The following RPP30 variants were observed in gnomAD, a reference collection of about 807,000 sequenced individuals.
The protein encoded by RPP30 is ribonuclease P/MRP subunit p30.
In RPP30, 36 loss-of-function variants were observed where a neutral mutation model predicts 38.6. The ratio of observed to expected loss-of-function variants is 0.93; its 90% CI spans 0.71 to 1.23. The LOEUF is 1.23. RPP30 is among the 50% of genes most tolerant of loss of function. RPP30 has a pLI of 0.00. For synonymous variants in RPP30, 126 were observed against 112.7 expected (o/e 1.12, Z -0.75); for missense variants, 321 against 321.7 (o/e 1.00, Z 0.02).
intron 6 of RPP30, among the ~76,000 whole-genome samples, chr10:90,886,321 G>A (rs530030914): frequency 3.2e-4 from 48 of 152,228 alleles, no homozygotes; most frequent in South Asian, 1.5e-3. Flanking sequence ...TCACATAGAC[G>A]TGGTCTATGC....
chr10:90,886,017 G>T (rs1019602420), intron 6 of RPP30, 116 bp downstream of exon 6: 6 of 615,722 alleles, frequency 9.7e-6, no homozygotes, highest in Non-Finnish European at 1.6e-5. Context: ...GGAATAGGAG[G>T]CAGTTTTAGA....
At chr10:90,887,755 T>C (rs1385661939) in intron 6 of RPP30, among the ~76,000 whole-genome samples, 4 of 152,210 alleles carry the variant, frequency 2.6e-5, no homozygotes, top group Non-Finnish European at 4.4e-5. Context: ...TTCCTTGTGT[T>C]ATTGCCAGTA....
chr10:90,877,653 G>A (rs563682196), intron 4 of RPP30, among the ~76,000 whole-genome samples: 1 of 152,150 alleles, frequency 6.6e-6, no homozygotes, highest in East Asian at 1.9e-4. Flanking sequence ...ATTTATTGAT[G>A]TGACAGTCCT....
chr10:90,880,688 C>T (rs773990552), intron 5 of RPP30, among the ~76,000 whole-genome samples: 9 of 152,134 alleles, frequency 5.9e-5, no homozygotes, highest in African/African-American at 7.2e-5. Context: ...CCACTGCACT[C>T]CAGCCTGGGC....
chr10:90,879,762 T>C lies in RPP30; in HGVS notation c.342+628T>C, dbSNP rs1009036370. The stretch of plus-strand genomic sequence containing the variant: ...AAAGGAGCTTAACGTGTATGCTTGT[T>C]TGTCACCTTGAGACAGAACACCCTG... On this transcript the variant is annotated intron_variant, in intron 5 of 10. Transcript: ENST00000371703. Among the ~76,000 whole-genome samples, 3 of 152,222 alleles carry C rather than the reference T, an allele frequency of 2.0e-5. No individual in the cohort carries two copies. The East Asian group carries it at 5.8e-4, about 29-fold the overall frequency.
rs1847139659 is a variant in RPP30 at position 90,896,398 on chromosome 10, C to G, written c.697+6C>G. On this transcript the variant is annotated splice_donor_region_variant and intron_variant, in intron 10 of 10. Coordinates refer to ENST00000371703, the MANE Select transcript of RPP30 (RefSeq NM_006413.5). ...AGCAGCGCTTCTCCATGGAGGTAAG[C>G]AAGTTCTTCCAGTACAAACTGAATG... is the stretch of plus-strand genomic sequence containing the variant. 2 of 1,610,654 alleles carry G rather than the reference C, an allele frequency of 1.2e-6. No homozygotes were observed. The highest frequency in any genetic ancestry group is 8.5e-7 in the Non-Finnish European group (1 of 1,176,958).
chr10:90,886,282 A>G (rs1226648697), intron 6 of RPP30, among the ~76,000 whole-genome samples: 2 of 152,198 alleles, frequency 1.3e-5, no homozygotes, highest in Admixed American at 1.3e-4. Context: ...AGGAAGCTAA[A>G]GAGAGTCAAG....
At chr10:90,875,195 T>C (rs1196594194) in intron 2 of RPP30, among the ~76,000 whole-genome samples, 1 of 152,146 alleles carries the variant, frequency 6.6e-6, no homozygotes, top group African/African-American at 2.4e-5. Context: ...TGTTATTGGC[T>C]GGACTGTAAT....
In RPP30 at chr10:90,900,586, T is replaced by A. The variant is rs1364420537; in HGVS notation, c.714T>A (p.Ala238=). Residue 238 remains alanine (A), a synonymous_variant, in exon 11 of 11, where the codon GCT becomes GCA. Transcript: ENST00000371703. ...ALLHGETRKT[A]FGIISTVKKP... is the part of the protein sequence containing the mutation. ...GTTTTACAGAAACTAGAAAAACTGC[T>A]TTTGGAATTATCTCTACAGTGAAGA... 2 of 1,611,302 alleles carry A rather than the reference T, an allele frequency of 1.2e-6. No individual in the cohort carries two copies. The highest frequency in any genetic ancestry group is 2.7e-5 in the African/African-American group (2 of 74,810).
downstream of RPP30, chr10:90,903,195 C>T (rs1232472907): frequency 1.9e-6 from 3 of 1,577,260 alleles, no homozygotes; most frequent in Non-Finnish European, 2.6e-6. Flanking sequence ...TTTAAAGGAA[C>T]TAGAATTCAA....
intron 4 of RPP30, among the ~76,000 whole-genome samples, chr10:90,878,162 G>T (rs1424563251): frequency 6.6e-6 from 1 of 152,074 alleles, no homozygotes; most frequent in African/African-American, 2.4e-5. Context: ...GTGGGAGTGG[G>T]CAGGTAAAGG....
intron 3 of RPP30, 95 bp from the exon 4 acceptor site, chr10:90,875,929 T>C (rs2120182880): frequency 1.4e-6 from 1 of 731,518 alleles, no homozygotes; most frequent in Non-Finnish European, 2.4e-6. Flanking sequence ...CTATCCCTTA[T>C]AGCCAGTACC....
At chr10:90,899,542 A>G (rs1004377630) in intron 10 of RPP30, among the ~76,000 whole-genome samples, 2 of 152,130 alleles carry the variant, frequency 1.3e-5, no homozygotes, top group Non-Finnish European at 2.9e-5. Flanking sequence ...GTCTGTTTTC[A>G]TGACACTATG....
intron 7 of RPP30, chr10:90,895,183 T>C (rs1288277496): frequency 1.9e-6 from 1 of 518,386 alleles, no homozygotes; most frequent in Non-Finnish European, 3.4e-6. Context: ...CTGAGTTGAA[T>C]TAAGATATGT....
intron 4 of RPP30, among the ~76,000 whole-genome samples, chr10:90,877,534 T>C (rs1253215080): frequency 1.3e-5 from 2 of 150,248 alleles, no homozygotes; most frequent in East Asian, 3.9e-4. Flanking sequence ...ACCCTAGAAG[T>C]AGAAGGACAG....
chr10:90,883,511 T>G (rs1172040780), intron 5 of RPP30, among the ~76,000 whole-genome samples: 1 of 152,194 alleles, frequency 6.6e-6, no homozygotes, highest in African/African-American at 2.4e-5. Flanking sequence ...AATAGAAAAC[T>G]AAATAACAAA....
In RPP30 at chr10:90,894,820, A is replaced by G. The variant is rs1202982945; in HGVS notation, c.478A>G (p.Ile160Val). The stretch of plus-strand genomic sequence containing the variant: ...TTTTGAACTTGTCTATAGCCCTGCT[A>G]TCAAAGACTCCACAATGAGAAGGTA... ...LAFELVYSPAIKDSTMRRYTI... is the reference protein window; with the variant it reads ...LAFELVYSPAVKDSTMRRYTI... The change falls in exon 7 of 11, where the codon ATC (isoleucine) becomes GTC (valine). Residue 160 changes from isoleucine (I) to valine (V), a missense_variant. Coordinates refer to ENST00000371703, the MANE Select transcript of RPP30 (RefSeq NM_006413.5). 1.2e-6 allele frequency: 2 copies of G among 1,613,612 alleles called. No homozygotes were observed. Among genetic ancestry groups the G allele is most frequent in the Non-Finnish European group, 8.5e-7 (1 of 1,179,586 alleles).
At chr10:90,894,368 C>A (rs1369233366) in intron 6 of RPP30, among the ~76,000 whole-genome samples, 1 of 152,136 alleles carries the variant, frequency 6.6e-6, no homozygotes, top group Non-Finnish European at 1.5e-5. Context: ...TTCTTTGTCT[C>A]TTTGTGCATT....
chr10:90,882,263 A>AT (rs915689447), intron 5 of RPP30, among the ~76,000 whole-genome samples: 4 of 152,204 alleles, frequency 2.6e-5, no homozygotes, highest in African/African-American at 9.6e-5. Flanking sequence ...AGTTTAAAAA[A>AT]TTTTTGAGCC....
Sources: allele counts gnomAD v4.1 joint callset (sites outside exome capture counted in the v4.1 genomes callset), GRCh38; gene constraint gnomAD v4.1.1; transcripts MANE v1.5; gene names NCBI Gene and HGNC (gene_info 2026-07-23, HGNC 2026-07-21).